ANK2: variants seen among roughly 807,000 people sequenced by gnomAD.
ANK2 encodes the protein ankyrin-2.
ANK2 carries 83 observed loss-of-function variants against 360.5 expected under a neutral mutation model. That is an observed-to-expected ratio of 0.23 (90% CI 0.19 to 0.28). ANK2 has a LOEUF of 0.28. Among genes scored for constraint, ANK2 ranks in the 10% least tolerant of loss-of-function variants. ANK2 has a pLI of 1.00. For missense variants in ANK2, 4,201 were observed against 4,795.7 expected (o/e 0.88, Z 3.66); for synonymous variants, 1,740 against 1,759.5 (o/e 0.99, Z 0.28).
intron 2 of ANK2, among the ~76,000 whole-genome samples, chr4:113,022,764 G>T (rs745330114): frequency 1.3e-5 from 2 of 152,164 alleles, no homozygotes; most frequent in Non-Finnish European, 2.9e-5. Flanking sequence ...GCAATGATGA[G>T]ACTTGAAAAA....
chr4:112,943,602 A>G (rs1343648993), intron 2 of ANK2, among the ~76,000 whole-genome samples: 1 of 152,102 alleles, frequency 6.6e-6, no homozygotes, highest in Non-Finnish European at 1.5e-5. Flanking sequence ...CCTTTAAAAC[A>G]GTCGCATTAG....
intron 2 of ANK2, among the ~76,000 whole-genome samples, chr4:113,008,929 CA>C (rs1267029821): frequency 6.6e-6 from 1 of 152,042 alleles, no homozygotes; most frequent in Non-Finnish European, 1.5e-5. Flanking sequence ...GGAGATAAAG[CA>C]AAAAATCTTG....
chr4:113,166,910 A>G (rs1245349915), intron 1 of ANK2, among the ~76,000 whole-genome samples: 1 of 152,188 alleles, frequency 6.6e-6, no homozygotes, highest in Non-Finnish European at 1.5e-5. Context: ...AAAGAGAATT[A>G]TGCAATTTTT....
intron 4 of ANK2, among the ~76,000 whole-genome samples, chr4:113,222,391 A>T (rs1314557579): frequency 8.2e-6 from 1 of 122,458 alleles, no homozygotes; most frequent in Non-Finnish European, 1.7e-5. Flanking sequence ...CTCTGAAACA[A>T]TTTTTTTTTT....
At chr4:113,083,155 A>G (rs745853047) in intron 1 of ANK2, among the ~76,000 whole-genome samples, 8 of 152,110 alleles carry the variant, frequency 5.3e-5, no homozygotes, top group Non-Finnish European at 1.0e-4. Flanking sequence ...ACATATGTAT[A>G]CATGTGCCAT....
intron 2 of ANK2, among the ~76,000 whole-genome samples, chr4:113,031,775 A>G (rs1456145569): frequency 1.3e-5 from 2 of 152,000 alleles, no homozygotes; most frequent in South Asian, 2.1e-4. Context: ...CTCTTCTCCT[A>G]TTATTTAGTA....
rs546532987 is a variant in ANK2 at position 113,002,965 on chromosome 4, C to T, written c.21+98451C>T. Among the ~76,000 whole-genome samples, 4 of 152,348 alleles carry T rather than the reference C, an allele frequency of 2.6e-5. No individual in the cohort carries two copies. The East Asian group carries it at 7.7e-4, about 29-fold the overall frequency. On this transcript the variant is annotated intron_variant, in intron 2 of 30. Coordinates refer to the ANK2 transcript ENST00000503271. ...TGCCCACTTTGTCTCTTGGGAGACA[C>T]TTATTCATCCTTCAGGTGACATTCT...
In ANK2 at chr4:113,320,561, A is replaced by G. The variant is rs573077137; in HGVS notation, c.2900+1941A>G. Among the ~76,000 whole-genome samples, 28 of 152,272 alleles carry G rather than the reference A, an allele frequency of 1.8e-4. 1 individual carries two copies. Among genetic ancestry groups the G allele is most frequent in the African/African-American group, 6.7e-4 (28 of 41,564 alleles). Reference sequence around the variant, plus strand: ...TCCCAGCTACTCAGGAGGGTGAGGCAGAAGAATCATTTGAACCCGGGAGGT... The same window carrying G: ...TCCCAGCTACTCAGGAGGGTGAGGCGGAAGAATCATTTGAACCCGGGAGGT... On this transcript the variant is annotated intron_variant, in intron 26 of 45. Transcript: ENST00000357077.
chr4:113,196,900 A>C (rs917486976), intron 3 of ANK2, among the ~76,000 whole-genome samples: 5 of 151,824 alleles, frequency 3.3e-5, no homozygotes, highest in Non-Finnish European at 7.4e-5. Flanking sequence ...TAAAATTAAA[A>C]CCCCCTCCAT....
chr4:112,914,450 G>A lies in ANK2; in HGVS notation c.21+9936G>A, dbSNP rs529966785. On this transcript the variant is annotated intron_variant, in intron 2 of 30. Coordinates refer to the ANK2 transcript ENST00000503271. Reference sequence around the variant, plus strand: ...AGCCTGGCCAACATGATGGAACCCCGTCTCTATTAAAAATACAAAAAAATT... The same window carrying A: ...AGCCTGGCCAACATGATGGAACCCCATCTCTATTAAAAATACAAAAAAATT... 1.7e-3 allele frequency among the ~76,000 whole-genome samples: 261 copies of A among 151,982 alleles called. 2 individuals are homozygous for A. The highest frequency in any genetic ancestry group is 3.0e-3 in the Non-Finnish European group (203 of 67,964).
At chr4:113,179,487 G>A (rs1336197804) in intron 2 of ANK2, among the ~76,000 whole-genome samples, 1 of 152,144 alleles carries the variant, frequency 6.6e-6, no homozygotes, top group East Asian at 1.9e-4. Flanking sequence ...TTATTTAAAT[G>A]ATATGGGGAA....
In ANK2 at chr4:113,295,775, GGATA is replaced by G. The variant is rs1587510178; in HGVS notation, c.2475+2239_2475+2242del. ...AAACAAGTATCTCTGTTACCTAAAT[GGATA>G]GTTTTAATGGTTACATGTTTCGATG... On this transcript the variant is annotated intron_variant, in intron 22 of 45. Transcript: ENST00000357077. Among the ~76,000 whole-genome samples, 5 of 152,170 alleles carry G rather than the reference GGATA, an allele frequency of 3.3e-5. No individual in the cohort carries two copies. The East Asian group carries it at 9.7e-4, about 29-fold the overall frequency.
Position 113,049,725 on chromosome 4 carries a change from C to T in ANK2, c.-4C>T. On this transcript the variant is annotated 5_prime_UTR_variant, in exon 1 of 46. It introduces an in-frame stop codon into an upstream open reading frame of the 5' UTR. Coordinates refer to ENST00000357077, the MANE Select transcript of ANK2 (RefSeq NM_001148.6). Reference sequence around the variant, plus strand: ...AGAGATATTTTCTTTCCAAACTGTTCAAAATGATGAACGAAGATGCAGCTC... The same window carrying T: ...AGAGATATTTTCTTTCCAAACTGTTTAAAATGATGAACGAAGATGCAGCTC... 6.7e-7 allele frequency: 1 copy of T among 1,498,536 alleles called. No individual in the cohort carries two copies. Among genetic ancestry groups the T allele is most frequent in the East Asian group, 2.7e-5 (1 of 36,698 alleles). The allele number at this position is 1,498,536 out of a possible 1,614,324, so 92.8% of individuals were successfully genotyped here.
intron 17 of ANK2, 118 bp from the exon 18 acceptor site, chr4:113,282,556 CT>C: frequency 9.9e-7 from 1 of 1,012,158 alleles, no homozygotes; most frequent in Non-Finnish European, 1.5e-6. Context: ...TTTGGATTAA[CT>C]GTAAACTCAC....
the ANK2 span, among the ~76,000 whole-genome samples, chr4:112,719,557 C>T: frequency 1.7e-4 from 26 of 151,844 alleles, no homozygotes; most frequent in South Asian, 4.4e-3. Context: ...TGAAACCCCG[C>T]CTCTACTAAA....
At chr4:112,788,127 G>A in the ANK2 span, 1 of 1,579,594 alleles carries the variant, frequency 6.3e-7, no homozygotes, top group East Asian at 2.2e-5. Context: ...GCCTTTTCGA[G>A]CTTGGCAATG....
At chr4:112,958,571 G>A (rs2032599235) in intron 2 of ANK2, among the ~76,000 whole-genome samples, 1 of 152,190 alleles carries the variant, frequency 6.6e-6, no homozygotes, top group African/African-American at 2.4e-5. Context: ...CTCGGCATCA[G>A]AGGGAGACCT....
chr4:113,012,221 C>T (rs2154292795), intron 2 of ANK2, among the ~76,000 whole-genome samples: 1 of 152,230 alleles, frequency 6.6e-6, no homozygotes, highest in East Asian at 1.9e-4. Flanking sequence ...TGATTCAGGA[C>T]CTGGAGTTAT....
At chr4:112,713,547 C>A in the ANK2 span, among the ~76,000 whole-genome samples, 2 of 151,808 alleles carry the variant, frequency 1.3e-5, no homozygotes, top group Non-Finnish European at 2.9e-5. Flanking sequence ...TTAGCCTGGG[C>A]AATAAGAGTG....
Sources: gnomAD v4.1 joint callset for allele counts (sites outside exome capture counted in the v4.1 genomes callset) on GRCh38, gnomAD v4.1.1 for gene constraint, MANE v1.5 for transcripts, NCBI Gene and HGNC (gene_info 2026-07-23, HGNC 2026-07-21) for gene names.